The following COL22A1 variants were observed in gnomAD, a reference collection of about 807,000 sequenced individuals.
COL22A1 encodes collagen alpha-1(XXII) chain.
In COL22A1, 221 loss-of-function variants were observed where a neutral mutation model predicts 248.9. That is an observed-to-expected ratio of 0.89 (90% CI 0.80 to 0.99). COL22A1 has a LOEUF of 0.99. Ranked by LOEUF, COL22A1 falls within the 50% of genes least tolerant of loss-of-function variation. The probability of loss-of-function intolerance (pLI) is 0.00; values close to 1 mark genes in which losing one functional copy is unlikely to be tolerated. For missense variants in COL22A1, 2,240 were observed against 2,179.0 expected (o/e 1.03, Z -0.56); for synonymous variants, 891 against 793.4 (o/e 1.12, Z -2.07).
intron 41 of COL22A1, among the ~76,000 whole-genome samples, chr8:138,673,642 T>C (rs4909830): frequency 0.13 from 19,886 of 151,990 alleles, 2,085 homozygotes; most frequent in African/African-American, 0.29. Flanking sequence ...GTTTCAGAGG[T>C]TGTGGGAAGC....
chr8:138,660,704 A>C (rs1823747176), intron 43 of COL22A1, among the ~76,000 whole-genome samples: 1 of 152,170 alleles, frequency 6.6e-6, no homozygotes. Flanking sequence ...CAATGTTTAG[A>C]ACTACCCCCA....
intron 3 of COL22A1, among the ~76,000 whole-genome samples, chr8:138,871,048 G>A (rs1411745902): frequency 6.6e-6 from 1 of 152,012 alleles, no homozygotes. Flanking sequence ...TGGTCACGAG[G>A]GGTGATGCCA....
chr8:138,655,808 G>A lies in COL22A1; in HGVS notation c.3333+89C>T, dbSNP rs553920808. ...TTATCGTTAATACTACCAAATAGTT[G>A]TTCAAAAAAAACCCCAACTTATTAT... On this transcript the variant is annotated intron_variant, in intron 45 of 64. Coordinates refer to ENST00000303045, the MANE Select transcript of COL22A1 (RefSeq NM_152888.3). 345 of 1,100,096 alleles carry A rather than the reference G, an allele frequency of 3.1e-4. 4 individuals carry two copies. The highest frequency in any genetic ancestry group is 2.4e-3 in the South Asian group (187 of 78,564). 68.1% of individuals were successfully genotyped at this position (1,100,096 alleles called of 1,614,324 possible). A position where few individuals can be genotyped will look rare whatever the true frequency, so the allele number is the denominator to read the frequency against.
Position 138,617,984 on chromosome 8 carries a change from A to T in COL22A1, c.3826-1026T>A, listed in dbSNP as rs559343518. On this transcript the variant is annotated intron_variant, in intron 53 of 64. Transcript: ENST00000303045. Reference sequence around the variant, plus strand: ...TTCTTGGGGCTTGGCATCTTCCTCAAGGACCCCAGAATTCCAAATTCAGCC... The same window carrying T: ...TTCTTGGGGCTTGGCATCTTCCTCATGGACCCCAGAATTCCAAATTCAGCC... Among the ~76,000 whole-genome samples, 181 of 152,310 alleles carry T rather than the reference A, an allele frequency of 1.2e-3. 1 individual carries two copies. The highest frequency in any genetic ancestry group is 4.2e-3 in the African/African-American group (176 of 41,568).
At chr8:138,606,143 T>A (rs1282744381) in intron 58 of COL22A1, among the ~76,000 whole-genome samples, 3 of 152,128 alleles carry the variant, frequency 2.0e-5, no homozygotes, top group Non-Finnish European at 4.4e-5. Flanking sequence ...GCATAAGAGG[T>A]TATGACACTT....
chr8:138,802,765 C>T (rs1345366975), intron 11 of COL22A1, 107 bp downstream of exon 11: 2 of 865,744 alleles, frequency 2.3e-6, no homozygotes, highest in Non-Finnish European at 4.0e-6. Context: ...TGCCTGGCCC[C>T]TGCCAGGTAT....
intron 14 of COL22A1, among the ~76,000 whole-genome samples, chr8:138,779,202 G>T (rs1331765185): frequency 1.3e-5 from 2 of 152,194 alleles, no homozygotes; most frequent in African/African-American, 4.8e-5. Context: ...ATCCATGTAT[G>T]ATTGGGTACA....
At chr8:138,706,050 A>G (rs1343548988) in intron 30 of COL22A1, among the ~76,000 whole-genome samples, 3 of 152,248 alleles carry the variant, frequency 2.0e-5, no homozygotes, top group African/African-American at 7.2e-5. Flanking sequence ...AGGCCATTAC[A>G]TAATAGTAGA....
intron 15 of COL22A1, among the ~76,000 whole-genome samples, chr8:138,776,602 G>A (rs1182309743): frequency 2.0e-5 from 3 of 152,024 alleles, no homozygotes; most frequent in African/African-American, 4.8e-5. Context: ...CTGAGTGCAG[G>A]ATCCAAAACA....
At chr8:138,738,918 C>T (rs1460886253) in intron 22 of COL22A1, among the ~76,000 whole-genome samples, 1 of 152,130 alleles carries the variant, frequency 6.6e-6, no homozygotes. Flanking sequence ...ACCCTGGGAG[C>T]AACAGGGAGG....
chr8:138,901,798 A>C (rs1378312099), intron 1 of COL22A1, among the ~76,000 whole-genome samples: 2 of 151,766 alleles, frequency 1.3e-5, no homozygotes, highest in African/African-American at 2.4e-5. Flanking sequence ...GCAGACCTTC[A>C]TGGGCTGGCT....
At position 138,616,832 on chromosome 8, in the gene COL22A1, CTG is replaced by C. The variant is rs932838814; in HGVS notation, c.3870+80_3870+81del. 2.4e-5 allele frequency: 37 copies of C among 1,531,500 alleles called. No individual in the cohort carries two copies. The African/African-American group carries it at 4.8e-4, about 20-fold the overall frequency. The allele number at this position is 1,531,500 out of a possible 1,614,324, so 94.9% of individuals were successfully genotyped here. On this transcript the variant is annotated intron_variant, in intron 54 of 64. Transcript: ENST00000303045. ...CTCTCGGGTAAGGCACTGCCATGGCCTGCAGGCTGCAAGTATCTTCTGTCTGG... is the reference window on the plus strand; with the variant it reads ...CTCTCGGGTAAGGCACTGCCATGGCCCAGGCTGCAAGTATCTTCTGTCTGG...
At chr8:138,610,024 A>G (rs1328183218) in intron 56 of COL22A1, among the ~76,000 whole-genome samples, 1 of 152,150 alleles carries the variant, frequency 6.6e-6, no homozygotes, top group African/African-American at 2.4e-5. Context: ...CTTTGTGACA[A>G]GGACTTCTAG....
intron 16 of COL22A1, among the ~76,000 whole-genome samples, chr8:138,771,574 A>G (rs1246288571): frequency 2.0e-5 from 3 of 152,258 alleles, no homozygotes; most frequent in African/African-American, 7.2e-5. Context: ...AGCTTGCTGG[A>G]AAAACGTCCA....
intron 35 of COL22A1, among the ~76,000 whole-genome samples, chr8:138,693,225 C>G (rs1244986842): frequency 6.6e-6 from 1 of 151,934 alleles, no homozygotes; most frequent in Non-Finnish European, 1.5e-5. Flanking sequence ...TGTATGTTTT[C>G]CTGGCTGCAT....
intron 17 of COL22A1, 75 bp downstream of exon 17, chr8:138,762,338 T>C (rs1459118747): frequency 1.0e-5 from 15 of 1,463,722 alleles, no homozygotes; most frequent in African/African-American, 2.8e-5. Context: ...TCTGTGGAGC[T>C]TTATGTGGGG....
chr8:138,866,206 C>G (rs1023137927), intron 3 of COL22A1, among the ~76,000 whole-genome samples: 1 of 152,164 alleles, frequency 6.6e-6, no homozygotes, highest in Non-Finnish European at 1.5e-5. Flanking sequence ...AGAAGCATCA[C>G]GATTAATCAA....
chr8:138,773,163 GAAC>G (rs1834530953), intron 16 of COL22A1, among the ~76,000 whole-genome samples: 1 of 152,200 alleles, frequency 6.6e-6, no homozygotes, highest in Non-Finnish European at 1.5e-5. Flanking sequence ...ATGGAACAGT[GAAC>G]CCAGATGAGG....
At position 138,878,065 on chromosome 8, in the gene COL22A1, T is replaced by C; in HGVS notation, c.343A>G (p.Thr115Ala). The part of the protein sequence containing the change: ...ARRLAYHGGN[T>A]NTGDALRYIT... ...TAGCGGAGCGCGTCTCCCGTGTTGG[T>C]GTTGCCCCCGTGGTAGGCGAGACGC... is the stretch of plus-strand genomic sequence containing the variant. Residue 115 changes from threonine (T) to alanine (A), a missense_variant, in exon 3 of 65, where the codon ACC (threonine) becomes GCC (alanine). Thr to Ala is a moderately conservative substitution (Grantham distance 58). Transcript: ENST00000303045. 1 of 1,597,864 alleles carries C rather than the reference T, an allele frequency of 6.3e-7. No individual in the cohort carries two copies. Among genetic ancestry groups the C allele is most frequent in the Non-Finnish European group, 8.5e-7 (1 of 1,172,928 alleles).
Sources: gnomAD v4.1 joint callset for allele counts (sites outside exome capture counted in the v4.1 genomes callset) on GRCh38, gnomAD v4.1.1 for gene constraint, MANE v1.5 for transcripts, NCBI Gene and HGNC (gene_info 2026-07-23, HGNC 2026-07-21) for gene names.